The following CYP19A1 variants were observed in gnomAD, a reference collection of about 807,000 sequenced individuals.
The protein encoded by CYP19A1 is aromatase.
Under a neutral mutation model 44.4 loss-of-function variants are expected in CYP19A1, and 32 were observed. The ratio of observed to expected loss-of-function variants is 0.72; its 90% CI spans 0.54 to 0.97. CYP19A1 has a LOEUF of 0.97. Among genes scored for constraint, CYP19A1 ranks in the 50% least tolerant of loss-of-function variants. The pLI is 0.00. For missense variants in CYP19A1, 598 were observed against 637.8 expected, an observed-to-expected ratio of 0.94 and a Z score of 0.67; for synonymous variants, 212 against 215.6, an observed-to-expected ratio of 0.98 and a Z score of 0.14.
intron 7 of CYP19A1, 92 bp from the exon 8 acceptor site, chr15:51,215,324 C>T: frequency 6.4e-7 from 1 of 1,569,120 alleles, no homozygotes; most frequent in Non-Finnish European, 8.7e-7. Context: ...ACAACCTCAA[C>T]AAAATGAAAT....
chr15:51,257,401 C>T (rs866696843), intron 1 of CYP19A1, among the ~76,000 whole-genome samples: 4 of 152,260 alleles, frequency 2.6e-5, no homozygotes, highest in South Asian at 2.1e-4. Context: ...TGGGGCAGGA[C>T]GCAGGAAGGT....
At chr15:51,217,211 G>T (rs2031659260) in intron 6 of CYP19A1, among the ~76,000 whole-genome samples, 1 of 152,192 alleles carries the variant, frequency 6.6e-6, no homozygotes, top group African/African-American at 2.4e-5. Context: ...GGAGGTGTTG[G>T]AATGCCCCAG....
In CYP19A1 at chr15:51,338,524, C is replaced by A. The variant is rs770948370; in HGVS notation, c.-68G>T. 2 of 152,242 alleles carry A rather than the reference C, an allele frequency of 1.3e-5. No individual in the cohort carries two copies. Among genetic ancestry groups the A allele is most frequent in the African/African-American group, 2.4e-5 (1 of 41,440 alleles). The allele number at this position is 152,242 out of a possible 1,614,324, so 9.4% of individuals were successfully genotyped here. A position where few individuals can be genotyped will look rare whatever the true frequency, so the allele number is the denominator to read the frequency against. On this transcript the variant is annotated 5_prime_UTR_variant, in exon 1 of 10. Transcript: ENST00000396402. ...CGTCTGGAAGATCCCGAGCACAGGA[C>A]CTTCCGTCCTGATAGGATAAGTTCT...
At chr15:51,307,771 G>A (rs1484839886) in intron 1 of CYP19A1, among the ~76,000 whole-genome samples, 3 of 152,170 alleles carry the variant, frequency 2.0e-5, no homozygotes, top group Non-Finnish European at 1.5e-5. Flanking sequence ...TAGCCCTAAT[G>A]CCAGTTTCAT....
chr15:51,312,073 T>A (rs2036321608), intron 1 of CYP19A1, among the ~76,000 whole-genome samples: 1 of 152,138 alleles, frequency 6.6e-6, no homozygotes, highest in Non-Finnish European at 1.5e-5. Context: ...ATGAAGATGG[T>A]CACAGAACAG....
chr15:51,288,524 G>A (rs994807604), intron 1 of CYP19A1, among the ~76,000 whole-genome samples: 12 of 152,170 alleles, frequency 7.9e-5, no homozygotes, highest in African/African-American at 2.7e-4. Flanking sequence ...TTTCAGATAA[G>A]CAGTCTGGTA....
chr15:51,244,717 G>A (rs892397392), intron 1 of CYP19A1, among the ~76,000 whole-genome samples: 15 of 152,182 alleles, frequency 9.9e-5, no homozygotes, highest in Non-Finnish European at 1.9e-4. Context: ...CAACAAAAAG[G>A]ATGAAGATGT....
chr15:51,257,073 G>C (rs1262761253), intron 1 of CYP19A1, among the ~76,000 whole-genome samples: 8 of 152,188 alleles, frequency 5.3e-5, no homozygotes, highest in African/African-American at 9.7e-5. Flanking sequence ...GAGTGGCAAG[G>C]GTGCTTTAGG....
chr15:51,221,448 T>C (rs985079677), intron 5 of CYP19A1: 2 of 152,162 alleles, frequency 1.3e-5, no homozygotes, highest in African/African-American at 4.8e-5. Context: ...AAGGTCACAA[T>C]GGCAATAAAA....
chr15:51,245,043 T>A (rs1215831858), intron 1 of CYP19A1, among the ~76,000 whole-genome samples: 3 of 152,262 alleles, frequency 2.0e-5, no homozygotes, highest in African/African-American at 7.2e-5. Context: ...TTTGTTCCCC[T>A]ACACACTTAT....
At chr15:51,211,951 G>T (rs2031038841) in intron 9 of CYP19A1, among the ~76,000 whole-genome samples, 1 of 152,122 alleles carries the variant, frequency 6.6e-6, no homozygotes, top group South Asian at 2.1e-4. Context: ...ACTTTCCTTT[G>T]CTCAGATGGT....
intron 1 of CYP19A1, among the ~76,000 whole-genome samples, chr15:51,260,912 A>T (rs1363429521): frequency 3.9e-5 from 6 of 152,078 alleles, no homozygotes; most frequent in Non-Finnish European, 8.8e-5. Flanking sequence ...AAATCTTGCA[A>T]CTGCACACTC....
rs375851874 is a variant in CYP19A1, at chr15:51,242,865, G to T, written c.48C>A (p.Ile16=). ...LNPIHYNITS[I]VPEAMPAATM... ...TGGCAGCAGGCATGGCTTCAGGCAC[G>T]ATGCTGGTGATGTTATAATGTATCG... is the stretch of plus-strand genomic sequence containing the variant. The change falls in exon 2 of 10, where the codon ATC becomes ATA. Residue 16 remains isoleucine, a synonymous_variant. Coordinates refer to ENST00000396402, the MANE Select transcript of CYP19A1 (RefSeq NM_000103.4). 24 of 1,605,534 alleles carry T rather than the reference G, an allele frequency of 1.5e-5. No individual in the cohort carries two copies. The highest frequency in any genetic ancestry group is 2.0e-5 in the Non-Finnish European group (23 of 1,172,308).
intron 1 of CYP19A1, among the ~76,000 whole-genome samples, chr15:51,264,296 C>T (rs914069534): frequency 6.6e-6 from 1 of 152,218 alleles, no homozygotes; most frequent in East Asian, 1.9e-4. Context: ...ACTGACGGTG[C>T]AGTCATCATG....
intron 1 of CYP19A1, among the ~76,000 whole-genome samples, chr15:51,322,555 C>T (rs968657894): frequency 2.6e-5 from 4 of 152,152 alleles, no homozygotes; most frequent in African/African-American, 9.7e-5. Flanking sequence ...ATGCCAGTAC[C>T]ACCTCCAATA....
intron 1 of CYP19A1, among the ~76,000 whole-genome samples, chr15:51,294,608 GCTGCCCTGT>G (rs1462323351): frequency 5.6e-4 from 83 of 149,316 alleles, no homozygotes; most frequent in African/African-American, 1.8e-3. Context: ...CGCCCGGCCA[GCTGCCCTGT>G]CCGGGAGGGA....
intron 1 of CYP19A1, among the ~76,000 whole-genome samples, chr15:51,325,444 A>G (rs923067104): frequency 1.3e-5 from 2 of 152,096 alleles, no homozygotes; most frequent in Non-Finnish European, 2.9e-5. Context: ...GACACTAACC[A>G]TGAGGATTGA....
intron 1 of CYP19A1, among the ~76,000 whole-genome samples, chr15:51,250,500 T>C (rs2034264745): frequency 6.6e-6 from 1 of 152,242 alleles, no homozygotes; most frequent in African/African-American, 2.4e-5. Flanking sequence ...GTTCCTCAGA[T>C]ACCTAATCTA....
chr15:51,283,050 A>G (rs1323846908), intron 1 of CYP19A1, among the ~76,000 whole-genome samples: 4 of 152,220 alleles, frequency 2.6e-5, no homozygotes, highest in Admixed American at 2.6e-4. Flanking sequence ...AAGATGGAGC[A>G]AAAATTCCAG....
Sources: gnomAD v4.1 joint callset for allele counts (sites outside exome capture counted in the v4.1 genomes callset) on GRCh38, gnomAD v4.1.1 for gene constraint, MANE v1.5 for transcripts, NCBI Gene and HGNC (gene_info 2026-07-23, HGNC 2026-07-21) for gene names.